Variants in ERC2 observed in about 807,000 individuals in gnomAD.
The protein encoded by ERC2 is ELKS/RAB6-interacting/CAST family member 2, also known as ERC protein 2.
Under a neutral mutation model 114.8 loss-of-function variants are expected in ERC2, and 42 were observed. The observed-to-expected ratio is 0.37, with a 90% CI of 0.29 to 0.47. The LOEUF is 0.47. Ranked by LOEUF, ERC2 falls within the 20% of genes least tolerant of loss-of-function variation. ERC2 has a pLI of 0.99. For missense variants in ERC2, 939 were observed against 1,150.7 expected, an observed-to-expected ratio of 0.82 and a Z score of 2.66; for synonymous variants, 454 against 425.5, an observed-to-expected ratio of 1.07 and a Z score of -0.82.
At chr3:56,289,717 T>C (rs2054958293) in intron 3 of ERC2, among the ~76,000 whole-genome samples, 2 of 152,342 alleles carry the variant, frequency 1.3e-5, no homozygotes, top group African/African-American at 4.8e-5. Context: ...TGAAGACTGG[T>C]TCTACCGTGG....
chr3:55,551,141 C>T (rs2055174169), intron 17 of ERC2, among the ~76,000 whole-genome samples: 1 of 151,656 alleles, frequency 6.6e-6, no homozygotes, highest in Admixed American at 6.6e-5. Context: ...CACACACATA[C>T]ATATATACAC....
chr3:55,730,023 A>G (rs185117762), intron 15 of ERC2, among the ~76,000 whole-genome samples: 118 of 152,082 alleles, frequency 7.8e-4, no homozygotes, highest in African/African-American at 2.7e-3. Flanking sequence ...GCACACTCCT[A>G]TTAATTCCCA....
intron 13 of ERC2, among the ~76,000 whole-genome samples, chr3:55,921,858 T>C (rs2065449432): frequency 6.6e-6 from 1 of 152,162 alleles, no homozygotes; most frequent in African/African-American, 2.4e-5. Flanking sequence ...ATCAATTCTT[T>C]CAGATAATTT....
intron 2 of ERC2, among the ~76,000 whole-genome samples, chr3:56,299,664 A>G (rs1156988680): frequency 1.3e-5 from 2 of 150,744 alleles, no homozygotes; most frequent in Non-Finnish European, 3.0e-5. Flanking sequence ...TCCTGAGCTC[A>G]AGTGATCCAC....
At chr3:56,453,760 G>C (rs1231963126) in intron 1 of ERC2, among the ~76,000 whole-genome samples, 1 of 152,156 alleles carries the variant, frequency 6.6e-6, no homozygotes, top group African/African-American at 2.4e-5. Context: ...ACAAATAGCT[G>C]CTCCTGGTGC....
intron 2 of ERC2, among the ~76,000 whole-genome samples, chr3:56,385,456 C>T (rs1276911159): frequency 6.6e-6 from 1 of 152,130 alleles, no homozygotes; most frequent in Admixed American, 6.6e-5. Context: ...CTCCACCACC[C>T]TAAGTATGGC....
intron 14 of ERC2, among the ~76,000 whole-genome samples, chr3:55,809,836 T>C (rs532343094): frequency 6.6e-6 from 1 of 152,206 alleles, no homozygotes. Context: ...GGAAAATGCA[T>C]GTATCAAGTG....
intron 17 of ERC2, among the ~76,000 whole-genome samples, chr3:55,671,306 G>C (rs1399495147): frequency 2.6e-5 from 4 of 152,006 alleles, no homozygotes; most frequent in Non-Finnish European, 4.4e-5. Context: ...ATTATATTTT[G>C]AATTTCTTCA....
At chr3:56,159,378 A>G (rs1435189202) in intron 4 of ERC2, among the ~76,000 whole-genome samples, 2 of 152,224 alleles carry the variant, frequency 1.3e-5, no homozygotes, top group Non-Finnish European at 2.9e-5. Flanking sequence ...AAATGTCAAC[A>G]TTTTAGTACA....
At chr3:56,068,508 T>G (rs1412307415) in intron 7 of ERC2, among the ~76,000 whole-genome samples, 2 of 152,176 alleles carry the variant, frequency 1.3e-5, no homozygotes, top group African/African-American at 2.4e-5. Flanking sequence ...CCTGGATTCA[T>G]GATTTTTTTG....
intron 3 of ERC2, among the ~76,000 whole-genome samples, chr3:56,253,968 G>C (rs2052348846): frequency 6.6e-6 from 1 of 152,164 alleles, no homozygotes; most frequent in African/African-American, 2.4e-5. Context: ...TCAACCTCAA[G>C]GTCTTAATAA....
chr3:55,849,341 G>T (rs1381968102), intron 14 of ERC2, among the ~76,000 whole-genome samples: 1 of 152,166 alleles, frequency 6.6e-6, no homozygotes, highest in African/African-American at 2.4e-5. Context: ...AGTGTTCAAT[G>T]TATTCCCAGG....
intron 14 of ERC2, among the ~76,000 whole-genome samples, chr3:55,875,384 CA>C (rs1295127658): frequency 3.3e-5 from 5 of 152,174 alleles, no homozygotes; most frequent in Admixed American, 6.6e-5. Context: ...AGTGAAGCAT[CA>C]GGGGTGAGGT....
chr3:55,618,248 A>T (rs1291351867), intron 17 of ERC2, among the ~76,000 whole-genome samples: 1 of 152,178 alleles, frequency 6.6e-6, no homozygotes, highest in Non-Finnish European at 1.5e-5. Flanking sequence ...CCAAACAAAG[A>T]GACTTGGGGT....
At chr3:56,252,819 G>A (rs1222405732) in intron 3 of ERC2, among the ~76,000 whole-genome samples, 3 of 150,592 alleles carry the variant, frequency 2.0e-5, no homozygotes, top group African/African-American at 7.3e-5. Flanking sequence ...TATTACATGG[G>A]ATGCTAACAT....
intron 14 of ERC2, among the ~76,000 whole-genome samples, chr3:55,862,201 T>C (rs558569956): frequency 6.6e-6 from 1 of 152,240 alleles, no homozygotes; most frequent in Non-Finnish European, 1.5e-5. Flanking sequence ...TATATACATA[T>C]ATATTCACAC....
chr3:55,814,605 G>T (rs115710601), intron 14 of ERC2, among the ~76,000 whole-genome samples: 1 of 152,210 alleles, frequency 6.6e-6, no homozygotes, highest in Admixed American at 6.5e-5. Flanking sequence ...GTTGGCTGAG[G>T]TGGTCAATCT....
At chr3:56,144,013 C>G (rs1307649438) in intron 5 of ERC2, among the ~76,000 whole-genome samples, 1 of 152,182 alleles carries the variant, frequency 6.6e-6, no homozygotes, top group African/African-American at 2.4e-5. Context: ...AGGGAACAAA[C>G]AAGCTTCATC....
intron 17 of ERC2, among the ~76,000 whole-genome samples, chr3:55,592,892 C>T (rs1186509873): frequency 1.3e-5 from 2 of 152,198 alleles, no homozygotes; most frequent in Non-Finnish European, 2.9e-5. Flanking sequence ...AACTACTGTA[C>T]CCGTTAAAAT....
Sources: allele counts gnomAD v4.1 joint callset (sites outside exome capture counted in the v4.1 genomes callset), GRCh38; gene constraint gnomAD v4.1.1; transcripts MANE v1.5; gene names NCBI Gene and HGNC (gene_info 2026-07-23, HGNC 2026-07-21).